The following ITPK1 variants were observed in gnomAD, a reference collection of about 807,000 sequenced individuals.
ITPK1 encodes the protein inositol-tetrakisphosphate 1-kinase, also known as inositol 1,3,4-trisphosphate 5/6-kinase.
ITPK1 carries 21 observed loss-of-function variants against 45.3 expected under a neutral mutation model. The ratio of observed to expected loss-of-function variants is 0.46; its 90% CI spans 0.33 to 0.67. The LOEUF (loss-of-function observed/expected upper bound fraction) is 0.67, where lower values mean the gene tolerates loss of function less well. ITPK1 is among the 30% of genes least tolerant of loss of function. The pLI is 0.02. For missense variants in ITPK1, 474 were observed against 573.5 expected (o/e 0.83, Z 1.77); for synonymous variants, 258 against 253.6 (o/e 1.02, Z -0.16).
chr14:92,941,958 G>T lies in ITPK1; in HGVS notation c.902-54C>A. 6 of 1,502,418 alleles carry T rather than the reference G, an allele frequency of 4.0e-6. No individual in the cohort carries two copies. The South Asian group carries it at 4.7e-5, about 12-fold the overall frequency. The allele number at this position is 1,502,418 out of a possible 1,614,324, so 93.1% of individuals were successfully genotyped here. A position where few individuals can be genotyped will look rare whatever the true frequency, so the allele number is the denominator to read the frequency against. On this transcript the variant is annotated intron_variant, in intron 10 of 10. Transcript: ENST00000267615. The stretch of plus-strand genomic sequence containing the variant: ...GGCGTGAGCCAGGGGCACGCATCAT[G>T]CAGGGAGGAGGAGGAGGAGGCAGAA...
rs757596570 is a variant in ITPK1, at chr14:93,016,735, C to T, written c.187G>A (p.Val63Ile). The T allele has an allele frequency of 1.4e-5, 23 of 1,614,142 alleles. No homozygotes were observed. Among genetic ancestry groups the T allele is most frequent in the Middle Eastern group, 1.7e-4 (1 of 6,060 alleles). The change falls in exon 4 of 11, where the codon GTC (valine) becomes ATC (isoleucine). Residue 63 changes from valine to isoleucine, a missense_variant. Transcript: ENST00000267615. The surrounding 1 kb of genome is among the most constrained non-coding windows in gnomAD (Gnocchi z 5.0). ...TCATTCTGGTCGGCTTCAAGGATGA[C>T]GTCAGTCAGCTTGTGGATGATGACG... is the stretch of plus-strand genomic sequence containing the variant. The part of the protein sequence containing the change: ...LDVIIHKLTD[V>I]ILEADQNDSQ...
intron 3 of ITPK1, among the ~76,000 whole-genome samples, chr14:93,017,642 C>T (rs893415156): frequency 6.6e-6 from 1 of 152,224 alleles, no homozygotes; most frequent in African/African-American, 2.4e-5. Flanking sequence ...AGGCCAGTGC[C>T]TCGGAGGCAG....
intron 2 of ITPK1, 74 bp downstream of exon 2, chr14:93,114,995 G>GCACCGGGCTCGGGCCGGGGGT (rs548848621): frequency 2.1e-4 from 178 of 847,456 alleles, no homozygotes; most frequent in African/African-American, 2.9e-4. Context: ...TAATGAGGCT[G>GCACCGGGCTCGGGCCGGGGGT]CACCGGGCTC....
At chr14:92,971,628 C>T (rs1885658982) in intron 5 of ITPK1, among the ~76,000 whole-genome samples, 1 of 152,224 alleles carries the variant, frequency 6.6e-6, no homozygotes. Flanking sequence ...TGCCACAATG[C>T]CCAGGGCCAG....
intron 3 of ITPK1, among the ~76,000 whole-genome samples, chr14:93,056,379 G>C (rs1371463954): frequency 6.6e-6 from 1 of 152,208 alleles, no homozygotes; most frequent in African/African-American, 2.4e-5. Context: ...GTGCCTGAAA[G>C]CTTGGTGAAC....
chr14:92,988,054 G>T (rs1886584943), intron 5 of ITPK1, among the ~76,000 whole-genome samples: 1 of 152,212 alleles, frequency 6.6e-6, no homozygotes, highest in African/African-American at 2.4e-5. Context: ...GCGGGTCTCA[G>T]CCTGGGTGGC....
intron 7 of ITPK1, among the ~76,000 whole-genome samples, chr14:92,960,055 T>C (rs1884979260): frequency 6.6e-6 from 1 of 152,234 alleles, no homozygotes; most frequent in Non-Finnish European, 1.5e-5. Flanking sequence ...GTGGACAGTG[T>C]CCACCCCAGA....
chr14:92,993,970 T>C lies in ITPK1; in HGVS notation c.274A>G (p.Ile92Val). The change falls in exon 5 of 11, where the codon ATC becomes GTC. Residue 92 changes from isoleucine to valine, a missense_variant. Around this residue, in one of 2 missense-constraint regions of ITPK1, gnomAD observed 367 missense variants for 480.6 expected, o/e 0.76. Coordinates refer to ENST00000267615, the MANE Select transcript of ITPK1 (RefSeq NM_014216.6). ...QEYIDAHPETIVLDPLPAIRT... is the reference protein window; with the variant it reads ...QEYIDAHPETVVLDPLPAIRT... ...ATGGCAGGGAGCGGGTCCAGGACGA[T>C]GGTCTCAGGGTGGGCATCGATGTAC... 6.2e-7 allele frequency: 1 copy of C among 1,613,712 alleles called. No individual in the cohort carries two copies. Among genetic ancestry groups the C allele is most frequent in the Non-Finnish European group, 8.5e-7 (1 of 1,179,764 alleles).
At position 92,941,112 on chromosome 14, in the gene ITPK1, G is replaced by C; in HGVS notation, c.*449C>G. ...GGGCAGGTCAGGGAGTGGGGAGTCA[G>C]GCAGAAGGGAAGCCACTCTCACATG... is the stretch of plus-strand genomic sequence containing the variant. On this transcript the variant is annotated 3_prime_UTR_variant, in exon 11 of 11. Transcript: ENST00000267615. 1.7e-6 allele frequency: 2 copies of C among 1,202,770 alleles called. No individual in the cohort carries two copies. Among genetic ancestry groups the C allele is most frequent in the Admixed American group, 7.0e-5 (2 of 28,480 alleles). 74.5% of individuals were successfully genotyped at this position (1,202,770 alleles called of 1,614,324 possible).
At chr14:92,987,707 C>G (rs1886560851) in intron 5 of ITPK1, among the ~76,000 whole-genome samples, 1 of 152,192 alleles carries the variant, frequency 6.6e-6, no homozygotes, top group African/African-American at 2.4e-5. Context: ...TCCACACCCC[C>G]CATCTGTAAA....
At chr14:92,984,480 A>T (rs777437756) in intron 5 of ITPK1, among the ~76,000 whole-genome samples, 23 of 152,174 alleles carry the variant, frequency 1.5e-4, no homozygotes, top group Admixed American at 3.9e-4. Flanking sequence ...TTCACAACTT[A>T]CTTAGGATTT....
chr14:93,077,431 C>A (rs574073704), intron 2 of ITPK1, among the ~76,000 whole-genome samples: 226 of 152,332 alleles, frequency 1.5e-3, no homozygotes, highest in African/African-American at 5.1e-3. Flanking sequence ...GATTCTCCTG[C>A]CTCAGCCTCC....
Position 92,941,899 on chromosome 14 carries a change from C to G in ITPK1, c.907G>C (p.Glu303Gln). 6.2e-7 allele frequency: 1 copy of G among 1,611,398 alleles called. No individual in the cohort carries two copies. Among genetic ancestry groups the G allele is most frequent in the Non-Finnish European group, 8.5e-7 (1 of 1,179,524 alleles). The change falls in exon 11 of 11, where the codon GAG becomes CAG. Residue 303 changes from glutamate to glutamine, a missense_variant. Glu to Gln is a conservative substitution (Grantham distance 29). Transcript: ENST00000267615. ...VIDINAFPGY[E>Q]GVSEFFTDLL... ...TCTGTGAAGAACTCGCTCACGCCCT[C>G]GTAGCCTGGGGGTGGGAGAGAGACA...
chr14:92,951,198 C>T (rs1595079970), intron 9 of ITPK1, among the ~76,000 whole-genome samples: 1 of 152,218 alleles, frequency 6.6e-6, no homozygotes, highest in Admixed American at 6.5e-5. Flanking sequence ...GGGAAGTAGC[C>T]GCTGGCTCTC....
intron 3 of ITPK1, among the ~76,000 whole-genome samples, chr14:93,021,951 G>A (rs1267501420): frequency 3.3e-5 from 5 of 152,224 alleles, no homozygotes; most frequent in Non-Finnish European, 5.9e-5. Context: ...CGGCAAACTC[G>A]TGAAGGCATA....
intron 10 of ITPK1, among the ~76,000 whole-genome samples, chr14:92,943,434 T>A (rs559922003): frequency 1.5e-4 from 23 of 152,322 alleles, no homozygotes; most frequent in Middle Eastern, 3.4e-3. Context: ...GAATACCACA[T>A]GGTGCCAGGT....
chr14:93,043,396 G>A (rs1646323896), intron 3 of ITPK1, among the ~76,000 whole-genome samples: 1 of 152,254 alleles, frequency 6.6e-6, no homozygotes, highest in African/African-American at 2.4e-5. Flanking sequence ...GACTGCAAAA[G>A]CCCAGTGCTC....
At chr14:92,957,137 G>A (rs1435103469) in intron 8 of ITPK1, among the ~76,000 whole-genome samples, 2 of 152,276 alleles carry the variant, frequency 1.3e-5, no homozygotes, top group African/African-American at 2.4e-5. Flanking sequence ...GCCAGGAGAT[G>A]TGGATGGCCA....
intron 5 of ITPK1, among the ~76,000 whole-genome samples, chr14:92,982,797 G>A (rs924084541): frequency 6.6e-6 from 1 of 152,210 alleles, no homozygotes; most frequent in Admixed American, 6.5e-5. Context: ...GTCACTGGGG[G>A]AAAGCAGGGG....
Sources: gnomAD v4.1 joint callset for allele counts (sites outside exome capture counted in the v4.1 genomes callset) on GRCh38, gnomAD v4.1.1 for gene constraint, gnomAD v4.1.1 regional missense constraint, Gnocchi (gnomAD v3.1) non-coding constraint, MANE v1.5 for transcripts, NCBI Gene and HGNC (gene_info 2026-07-23, HGNC 2026-07-21) for gene names.